POLR3GL: variants seen among roughly 807,000 people sequenced by gnomAD.
POLR3GL encodes RNA polymerase III subunit GL, also known as DNA-directed RNA polymerase III subunit RPC7-like.
POLR3GL carries 26 observed loss-of-function variants against 32.4 expected under a neutral mutation model. The ratio of observed to expected loss-of-function variants is 0.80; its 90% CI spans 0.59 to 1.11. POLR3GL has a LOEUF of 1.11. POLR3GL is among the 50% of genes most tolerant of loss of function. The pLI is 0.00. For synonymous variants in POLR3GL, 95 were observed against 98.7 expected (o/e 0.96, Z 0.22); for missense variants, 229 against 280.1 (o/e 0.82, Z 1.30).
intron 1 of POLR3GL, among the ~76,000 whole-genome samples, chr1:145,970,874 TCAAAAAAAAAAAAAAAAAAA>T (rs1650251424): frequency 5.2e-5 from 1 of 19,330 alleles, no homozygotes; most frequent in South Asian, 2.3e-3. Flanking sequence ...AAACTCCATC[TCAAAAAAAAAAAAAAAAAAA>T]AAAAAAAAAA....
intron 1 of POLR3GL, among the ~76,000 whole-genome samples, chr1:145,966,768 G>A (rs1005628302): frequency 3.3e-5 from 5 of 151,288 alleles, no homozygotes; most frequent in Non-Finnish European, 5.9e-5. Context: ...CAGCCTGGAC[G>A]ACAAGAGTGA....
At chr1:145,977,633 C>G (rs996212120) in intron 5 of POLR3GL, 94 bp downstream of exon 5, 65 of 1,345,754 alleles carry the variant, frequency 4.8e-5, no homozygotes, top group Non-Finnish European at 6.0e-5. Flanking sequence ...CATCCCAGTT[C>G]CTATACCCAA....
At position 145,974,965 on chromosome 1, in the gene POLR3GL, A is replaced by C; in HGVS notation, c.100A>C (p.Thr34Pro). The C allele has an allele frequency of 6.6e-7, 1 of 1,519,082 alleles. No homozygotes were observed. Among genetic ancestry groups the C allele is most frequent in the Non-Finnish European group, 8.8e-7 (1 of 1,138,436 alleles). 94.1% of individuals were successfully genotyped at this position (1,519,082 alleles called of 1,614,324 possible). A position where few individuals can be genotyped will look rare whatever the true frequency, so the allele number is the denominator to read the frequency against. ...GAAAGGGGATGCTTTGCCCCCACCC[A>C]CCCTGCAGCCTTCTCCACTCTTCCC... Reference protein sequence around the residue: ...IGKGDALPPPTLQPSPLFPPL... With the variant: ...IGKGDALPPPPLQPSPLFPPL... Residue 34 changes from threonine (T) to proline (P), a missense_variant, in exon 2 of 8, where the codon ACC (threonine) becomes CCC (proline). By Grantham distance (38) the Thr-to-Pro change is conservative. Transcript: ENST00000369314.
At chr1:145,971,989 A>AATATATAT (rs1165893062) in intron 1 of POLR3GL, among the ~76,000 whole-genome samples, 1 of 66,966 alleles carries the variant, frequency 1.5e-5, no homozygotes, top group African/African-American at 6.4e-5. Flanking sequence ...AAAAAAAAAA[A>AATATATAT]ATATATATAT....
chr1:145,973,737 C>T (rs1298310433), intron 1 of POLR3GL, among the ~76,000 whole-genome samples: 3 of 151,416 alleles, frequency 2.0e-5, no homozygotes, highest in Non-Finnish European at 4.4e-5. Context: ...AAGACACACA[C>T]ATACACCAAA....
chr1:145,974,860 T>G lies in POLR3GL; in HGVS notation c.-6T>G, dbSNP rs782705743. On this transcript the variant is annotated 5_prime_UTR_variant, in exon 2 of 8. Coordinates refer to ENST00000369314, the MANE Select transcript of POLR3GL (RefSeq NM_032305.3). ...TGGATCTCTGAATACCCAGGCCCCCTCCACCATGGCCAGCCGGGGTGGGGG... is the reference window on the plus strand; with the variant it reads ...TGGATCTCTGAATACCCAGGCCCCCGCCACCATGGCCAGCCGGGGTGGGGG... The G allele has an allele frequency of 5.9e-6, 9 of 1,512,666 alleles. No homozygotes were observed. The highest frequency in any genetic ancestry group is 7.9e-6 in the Non-Finnish European group (9 of 1,139,892). The allele number at this position is 1,512,666 out of a possible 1,614,324, so 93.7% of individuals were successfully genotyped here.
chr1:145,974,912 C>A lies in POLR3GL; in HGVS notation c.47C>A (p.Thr16Asn). Residue 16 changes from threonine to asparagine, a missense_variant, in exon 2 of 8, where the codon ACC (threonine) becomes AAC (asparagine). Thr to Asn is a moderately conservative substitution (Grantham distance 65). Coordinates refer to ENST00000369314, the MANE Select transcript of POLR3GL (RefSeq NM_032305.3). ...CGGGGTCGTGGCCGGGGCCAGTTGA[C>A]CTTCAACGTGGAGGCCGTGGGCATT... ...GGRGRGRGQL[T>N]FNVEAVGIGK... 6.6e-7 allele frequency: 1 copy of A among 1,523,692 alleles called. No individual in the cohort carries two copies. Among genetic ancestry groups the A allele is most frequent in the Non-Finnish European group, 8.7e-7 (1 of 1,145,432 alleles). The allele number at this position is 1,523,692 out of a possible 1,614,324, so 94.4% of individuals were successfully genotyped here.
chr1:145,975,713 G>T (rs1570999342), intron 3 of POLR3GL, among the ~76,000 whole-genome samples: 1 of 151,876 alleles, frequency 6.6e-6, no homozygotes. Flanking sequence ...TTATTTTTTT[G>T]TAAAATAGAG....
intron 1 of POLR3GL, among the ~76,000 whole-genome samples, chr1:145,967,458 A>G (rs1650091263): frequency 6.6e-6 from 1 of 152,146 alleles, no homozygotes; most frequent in African/African-American, 2.4e-5. Context: ...TACAGGAGTG[A>G]GCCACCATGT....
chr1:145,975,395 G>A lies in POLR3GL; in HGVS notation c.215G>A (p.Arg72Lys), dbSNP rs1650505693. The A allele has an allele frequency of 6.2e-7, 1 of 1,614,158 alleles. No homozygotes were observed. The highest frequency in any genetic ancestry group is 8.5e-7 in the Non-Finnish European group (1 of 1,179,974). Residue 72 changes from arginine (R) to lysine (K), a missense_variant, in exon 3 of 8, where the codon AGG (arginine) becomes AAG (lysine). Physicochemically the swap from Arg to Lys is conservative, Grantham distance 26. Transcript: ENST00000369314. ...ALKQELRGAM[R>K]QLPYFIRPAV... ...AAGCAAGAGCTACGAGGAGCCATGA[G>A]GCAGCTCCCCTACTTCATCCGGCCA...
chr1:145,978,179 C>A lies in POLR3GL; in HGVS notation c.570+83C>A, dbSNP rs74541278. ...TGCTCTCCTCAGAGGGTTGGCATGC[C>A]AACAGAGATAGTGCCCCCCAGGGTA... On this transcript the variant is annotated intron_variant, in intron 7 of 7. Coordinates refer to ENST00000369314, the MANE Select transcript of POLR3GL (RefSeq NM_032305.3). The A allele has an allele frequency of 7.5e-3, 11,589 of 1,540,090 alleles. 758 individuals are homozygous for A. The African/African-American group carries it at 0.14, about 19-fold the overall frequency.
chr1:145,971,121 A>G (rs1342381887), intron 1 of POLR3GL, among the ~76,000 whole-genome samples: 14 of 120,302 alleles, frequency 1.2e-4, no homozygotes, highest in East Asian at 2.8e-4. Context: ...GGGAGGCGGA[A>G]GTTGCAGTGA....
In POLR3GL at chr1:145,978,741, A is replaced by G. The variant is rs1650681310; in HGVS notation, c.*294A>G. 2.8e-6 allele frequency: 1 copy of G among 360,724 alleles called. No homozygotes were observed. Among genetic ancestry groups the G allele is most frequent in the African/African-American group, 2.1e-5 (1 of 47,188 alleles). 22.3% of individuals were successfully genotyped at this position (360,724 alleles called of 1,614,324 possible). A position where few individuals can be genotyped will look rare whatever the true frequency, so the allele number is the denominator to read the frequency against. On this transcript the variant is annotated 3_prime_UTR_variant, in exon 8 of 8. Transcript: ENST00000369314. ...TGTTAGAGCTGAGATGACTGTACAC[A>G]TACCCCTGCCCAATTTATATAGCTC...
Position 145,977,791 on chromosome 1 carries a change from G to C in POLR3GL, c.396G>C (p.Leu132=), listed in dbSNP as rs1553763732. The part of the protein sequence containing the change: ...RKLQKERITI[L]LPKRPPKTTE... The stretch of plus-strand genomic sequence containing the variant: ...TCCCTCCACCAGGGATTACAATTCT[G>C]CTCCCCAAGAGGCCCCCTAAGACCA... The change falls in exon 6 of 8, where the codon CTG becomes CTC. Residue 132 remains leucine (L), a synonymous_variant. Coordinates refer to ENST00000369314, the MANE Select transcript of POLR3GL (RefSeq NM_032305.3). The C allele has an allele frequency of 6.2e-7, 1 of 1,614,020 alleles. No individual in the cohort carries two copies. The highest frequency in any genetic ancestry group is 1.1e-5 in the South Asian group (1 of 91,076).
At chr1:145,967,863 G>A (rs1553762215) in intron 1 of POLR3GL, among the ~76,000 whole-genome samples, 1 of 152,172 alleles carries the variant, frequency 6.6e-6, no homozygotes, top group African/African-American at 2.4e-5. Flanking sequence ...TATTTGTTGA[G>A]TGAAATGATT....
At position 145,975,293 on chromosome 1, in the gene POLR3GL, C is replaced by T; in HGVS notation, c.127-14C>T. The T allele has an allele frequency of 6.2e-7, 1 of 1,612,610 alleles. No individual in the cohort carries two copies. Among genetic ancestry groups the T allele is most frequent in the Non-Finnish European group, 8.5e-7 (1 of 1,178,684 alleles). ...ATTTTCTCCCTGAACTGACCACTGCCCCTGCCTCTTTAGCCCTTGGAGTTC... is the reference window on the plus strand; with the variant it reads ...ATTTTCTCCCTGAACTGACCACTGCTCCTGCCTCTTTAGCCCTTGGAGTTC... On this transcript the variant is annotated splice_polypyrimidine_tract_variant and intron_variant, in intron 2 of 7. Transcript: ENST00000369314.
At chr1:145,966,559 G>A (rs187504250) in intron 1 of POLR3GL, among the ~76,000 whole-genome samples, 31 of 151,426 alleles carry the variant, frequency 2.0e-4, no homozygotes, top group Non-Finnish European at 3.7e-4. Flanking sequence ...AGGCCAAGGC[G>A]GGTGGATCAC....
intron 1 of POLR3GL, among the ~76,000 whole-genome samples, chr1:145,972,304 C>T (rs1023165565): frequency 2.0e-5 from 3 of 149,740 alleles, no homozygotes; most frequent in South Asian, 2.1e-4. Flanking sequence ...CTCTTGAACC[C>T]GGGAGGTGGA....
rs1461129570 is a variant in POLR3GL at position 145,978,575 on chromosome 1, A to C, written c.*128A>C. ...AATCTGTCTGTTCCCTGGAGATGGG[A>C]ATAGAGGATGATGACAGTTTATTTT... is the stretch of plus-strand genomic sequence containing the variant. On this transcript the variant is annotated 3_prime_UTR_variant, in exon 8 of 8. Coordinates refer to ENST00000369314, the MANE Select transcript of POLR3GL (RefSeq NM_032305.3). The C allele has an allele frequency of 1.4e-6, 1 of 696,522 alleles. No individual in the cohort carries two copies. Among genetic ancestry groups the C allele is most frequent in the East Asian group, 2.5e-5 (1 of 39,830 alleles). 43.1% of individuals were successfully genotyped at this position (696,522 alleles called of 1,614,324 possible).
Sources: allele counts gnomAD v4.1 joint callset (sites outside exome capture counted in the v4.1 genomes callset), GRCh38; gene constraint gnomAD v4.1.1; transcripts MANE v1.5; gene names NCBI Gene and HGNC (gene_info 2026-07-23, HGNC 2026-07-21).